The following PTPRD variants were observed in gnomAD, a reference collection of about 807,000 sequenced individuals.
PTPRD encodes receptor-type tyrosine-protein phosphatase delta.
In PTPRD, 34 loss-of-function variants were observed where a neutral mutation model predicts 214.5. The ratio of observed to expected loss-of-function variants is 0.16; its 90% CI spans 0.12 to 0.21. The LOEUF is 0.21. Among genes scored for constraint, PTPRD ranks in the 10% least tolerant of loss-of-function variants. PTPRD has a pLI of 1.00. For missense variants in PTPRD, 2,545 were observed against 2,398.7 expected, an observed-to-expected ratio of 1.06 and a Z score of -1.27; for synonymous variants, 1,128 against 845.7, an observed-to-expected ratio of 1.33 and a Z score of -5.79.
intron 36 of PTPRD, among the ~76,000 whole-genome samples, chr9:8,390,126 C>A (rs946270289): frequency 1.3e-5 from 2 of 152,158 alleles, no homozygotes; most frequent in African/African-American, 2.4e-5. Flanking sequence ...AATTGGATGT[C>A]CATCTTCTAC....
rs1555302235 is a variant in PTPRD at position 9,900,641 on chromosome 9, G to GTTTTTTTTTTTTGTTTTTT, written c.-368+37865_-368+37866insAAAAAACAAAAAAAAAAAA. On this transcript the variant is annotated intron_variant, in intron 5 of 45. Coordinates refer to ENST00000381196, the MANE Select transcript of PTPRD (RefSeq NM_002839.4). ...TCCAAAGGTGCTTCCACATTTTCAG[G>GTTTTTTTTTTTTGTTTTTT]TTTTTTTTTTTTTTGAGATGGAGTC... Among the ~76,000 whole-genome samples, 25 of 120,106 alleles carry GTTTTTTTTTTTTGTTTTTT rather than the reference G, an allele frequency of 2.1e-4. 3 individuals carry two copies. The highest frequency in any genetic ancestry group is 7.5e-4 in the African/African-American group (24 of 32,096). The allele number at this position is 120,106 out of a possible 152,430, so 78.8% of individuals were successfully genotyped here.
chr9:8,341,064 A>G (rs1308064398), intron 41 of PTPRD, 26 bp downstream of exon 41: 11 of 1,549,508 alleles, frequency 7.1e-6, no homozygotes, highest in Non-Finnish European at 9.6e-6. Flanking sequence ...AAGGCTTTGG[A>G]TAGTCAGGGG....
chr9:9,208,561 AT>A (rs2099946476), intron 9 of PTPRD, among the ~76,000 whole-genome samples: 1 of 152,094 alleles, frequency 6.6e-6, no homozygotes, highest in South Asian at 2.1e-4. Flanking sequence ...ATCAAACTAA[AT>A]TTAATAATCT....
At chr9:9,559,111 CCA>C (rs1277335241) in intron 8 of PTPRD, among the ~76,000 whole-genome samples, 4 of 152,126 alleles carry the variant, frequency 2.6e-5, no homozygotes, top group Admixed American at 2.0e-4. Flanking sequence ...GCCTGTCCTG[CCA>C]CACTCTTATG....
chr9:10,320,820 T>G (rs2096540051), intron 3 of PTPRD, among the ~76,000 whole-genome samples: 1 of 152,008 alleles, frequency 6.6e-6, no homozygotes, highest in Non-Finnish European at 1.5e-5. Context: ...CTCTGCCTTC[T>G]GGGCTCAAGT....
chr9:8,368,911 T>G (rs1477983730), intron 39 of PTPRD, among the ~76,000 whole-genome samples: 1 of 152,100 alleles, frequency 6.6e-6, no homozygotes, highest in African/African-American at 2.4e-5. Context: ...CCTTAAAATG[T>G]TTCCATAAAT....
At chr9:9,970,697 G>A (rs1168459077) in intron 4 of PTPRD, among the ~76,000 whole-genome samples, 1 of 152,100 alleles carries the variant, frequency 6.6e-6, no homozygotes. Context: ...GAGTCGTCCC[G>A]CTGGTTGACC....
intron 11 of PTPRD, among the ~76,000 whole-genome samples, chr9:8,745,883 G>T (rs2381896): frequency 6.6e-6 from 1 of 151,840 alleles, no homozygotes; most frequent in Non-Finnish European, 1.5e-5. Flanking sequence ...CTGCAGCCTG[G>T]AAATCCTGGG....
At chr9:9,325,524 A>G (rs1969559956) in intron 9 of PTPRD, among the ~76,000 whole-genome samples, 1 of 152,030 alleles carries the variant, frequency 6.6e-6, no homozygotes, top group South Asian at 2.1e-4. Context: ...AATGCTTGTT[A>G]TTTTTGCACA....
chr9:9,526,656 G>A (rs1180511838), intron 8 of PTPRD, among the ~76,000 whole-genome samples: 8 of 152,000 alleles, frequency 5.3e-5, no homozygotes, highest in African/African-American at 1.9e-4. Context: ...TCTGATGATG[G>A]GATCCTTATA....
intron 3 of PTPRD, among the ~76,000 whole-genome samples, chr9:10,229,102 T>A (rs1158373181): frequency 6.6e-6 from 1 of 151,904 alleles, no homozygotes; most frequent in African/African-American, 2.4e-5. Flanking sequence ...CATGACAAAA[T>A]GCTCATCATC....
At chr9:9,306,542 C>A (rs893453290) in intron 9 of PTPRD, among the ~76,000 whole-genome samples, 1 of 116,040 alleles carries the variant, frequency 8.6e-6, no homozygotes, top group African/African-American at 3.5e-5. Context: ...CCCGTCTGGG[C>A]GACAGAGTGA....
chr9:10,575,232 A>G (rs2068830116), intron 2 of PTPRD, among the ~76,000 whole-genome samples: 1 of 152,122 alleles, frequency 6.6e-6, no homozygotes, highest in Admixed American at 6.6e-5. Context: ...GAATTTAAAG[A>G]TGATCAAGAT....
chr9:10,499,782 C>A (rs796701792), intron 2 of PTPRD, among the ~76,000 whole-genome samples: 1 of 151,818 alleles, frequency 6.6e-6, no homozygotes, highest in Non-Finnish European at 1.5e-5. Flanking sequence ...CATTATTTTT[C>A]CACTATCCAA....
At chr9:9,684,313 T>A (rs2097130257) in intron 7 of PTPRD, among the ~76,000 whole-genome samples, 2 of 151,692 alleles carry the variant, frequency 1.3e-5, no homozygotes, top group Admixed American at 1.3e-4. Flanking sequence ...CTCTAATATG[T>A]GAGATGTTAT....
chr9:8,964,955 C>A (rs1024705110), intron 11 of PTPRD, among the ~76,000 whole-genome samples: 1 of 151,986 alleles, frequency 6.6e-6, no homozygotes, highest in Non-Finnish European at 1.5e-5. Flanking sequence ...TTGAGACTTG[C>A]TTTATGACCA....
chr9:10,430,947 G>A (rs915292312), intron 2 of PTPRD, among the ~76,000 whole-genome samples: 5 of 151,712 alleles, frequency 3.3e-5, no homozygotes, highest in Non-Finnish European at 5.9e-5. Context: ...AAATAATATT[G>A]GCTATCAAAA....
At chr9:8,755,975 T>C (rs2093959005) in intron 11 of PTPRD, among the ~76,000 whole-genome samples, 2 of 152,228 alleles carry the variant, frequency 1.3e-5, no homozygotes, top group South Asian at 4.1e-4. Flanking sequence ...AAATAAATGG[T>C]CTGAATGATA....
intron 20 of PTPRD, among the ~76,000 whole-genome samples, chr9:8,518,838 T>A (rs773255173): frequency 3.4e-4 from 51 of 151,464 alleles, no homozygotes; most frequent in Non-Finnish European, 4.7e-4. Flanking sequence ...CCACTAAGAT[T>A]CTTAGAATGT....
Sources: allele counts gnomAD v4.1 joint callset (sites outside exome capture counted in the v4.1 genomes callset), GRCh38; gene constraint gnomAD v4.1.1; transcripts MANE v1.5; gene names NCBI Gene and HGNC (gene_info 2026-07-23, HGNC 2026-07-21).